The following ADGRG4 variants were observed in gnomAD, a reference collection of about 807,000 sequenced individuals.
The protein encoded by ADGRG4 is adhesion G protein-coupled receptor G4.
In ADGRG4, 122 loss-of-function variants were observed where a neutral mutation model predicts 126.2. That is an observed-to-expected ratio of 0.97 (90% confidence interval 0.83 to 1.12). The LOEUF (loss-of-function observed/expected upper bound fraction) is 1.12, where lower values mean the gene tolerates loss of function less well. ADGRG4 is among the 50% of genes most tolerant of loss of function. The pLI is 0.00. For synonymous variants in ADGRG4, 943 were observed against 838.7 expected, an observed-to-expected ratio of 1.12 and a Z score of -2.15; for missense variants, 2,481 against 2,251.8, an observed-to-expected ratio of 1.10 and a Z score of -2.06.
chrX:136,414,572 G>A (rs898215972), intron 25 of ADGRG4, among the ~76,000 whole-genome samples: 1 of 112,653 alleles, frequency 8.9e-6, no homozygotes, highest in Admixed American at 9.4e-5. Flanking sequence ...TAGACTAATA[G>A]AGGAAAGAAG....
intron 16 of ADGRG4, among the ~76,000 whole-genome samples, chrX:136,388,979 G>A (rs780693239): frequency 8.9e-6 from 1 of 111,963 alleles, no homozygotes; most frequent in Admixed American, 9.5e-5. Flanking sequence ...ATTTCTAATG[G>A]TCAAATATCC....
At chrX:136,371,281 A>C (rs1165128760) in intron 13 of ADGRG4, 47 bp from the exon 14 acceptor site, 1 of 888,546 alleles carries the variant, frequency 1.1e-6, no homozygotes, top group African/African-American at 2.0e-5. Flanking sequence ...CCAGAATGGC[A>C]GAAGACTAAG....
At chrX:136,323,837 TG>T (rs2074856085) in intron 5 of ADGRG4, among the ~76,000 whole-genome samples, 1 of 111,976 alleles carries the variant, frequency 8.9e-6, no homozygotes, top group Non-Finnish European at 1.9e-5. Context: ...AACTATTTTT[TG>T]CTTGGCCCAG....
chrX:136,333,432 C>T (rs779746650), intron 5 of ADGRG4, among the ~76,000 whole-genome samples: 2 of 76,115 alleles, frequency 2.6e-5, no homozygotes, highest in African/African-American at 5.2e-5. Flanking sequence ...CTAATATATT[C>T]TAATTTTTTG....
At chrX:136,407,400 T>A (rs2075420081) in intron 23 of ADGRG4, among the ~76,000 whole-genome samples, 1 of 111,614 alleles carries the variant, frequency 9.0e-6, no homozygotes, top group Admixed American at 9.5e-5. Context: ...CTGAACCTTT[T>A]ATTGTGGTCA....
At chrX:136,380,580 C>T (rs803190) in intron 15 of ADGRG4, among the ~76,000 whole-genome samples, 4,685 of 52,591 alleles carry the variant, frequency 0.089, 237 homozygotes, top group African/African-American at 0.19. Context: ...CTTCTTCTTC[C>T]TCCTCCTCCT....
Position 136,349,942 on chromosome X carries a change from G to A in ADGRG4, c.6236G>A (p.Gly2079Asp). ...TRTIPTPTLG[G>D]ITTGFPTSLP... Reference sequence around the variant, plus strand: ...ACCATTCCTACACCTACACTGGGTGGTATCACTACTGGCTTCCCAACTTCT... The same window carrying A: ...ACCATTCCTACACCTACACTGGGTGATATCACTACTGGCTTCCCAACTTCT... The change falls in exon 6 of 26, where the codon GGT (glycine) becomes GAT (aspartate). Residue 2079 changes from glycine to aspartate, a missense_variant. Transcript: ENST00000394143. 8.3e-7 allele frequency: 1 copy of A among 1,210,455 alleles called. No individual in the cohort carries two copies. The highest frequency in any genetic ancestry group is 1.1e-6 in the Non-Finnish European group (1 of 894,593).
chrX:136,350,579 A>G (rs1486007683), intron 6 of ADGRG4, 146 bp downstream of exon 6: 1 of 491,614 alleles, frequency 2.0e-6, no homozygotes, highest in African/African-American at 2.4e-5. Context: ...CAGTGGGTAC[A>G]GTGAGTACCT....
chrX:136,336,645 A>T (rs1317405301), intron 5 of ADGRG4, among the ~76,000 whole-genome samples: 2 of 111,387 alleles, frequency 1.8e-5, no homozygotes, highest in African/African-American at 6.5e-5. Flanking sequence ...AGTGAATATT[A>T]TTATAGCCAT....
rs1479912152 is a variant in ADGRG4 at position 136,346,523 on chromosome X, A to G, written c.2817A>G (p.Ala939=). 3 of 1,209,555 alleles carry G rather than the reference A, an allele frequency of 2.5e-6. No individual in the cohort carries two copies. In the South Asian group the frequency reaches 5.3e-5, roughly 21 times the overall value. Residue 939 remains alanine, a synonymous_variant, in exon 6 of 26, where the codon GCA becomes GCG. Coordinates refer to ENST00000394143, the MANE Select transcript of ADGRG4 (RefSeq NM_153834.4). ...TTAATTTTAACCACACCTATGTAGCACATTGGACTTCAGAGACATCTGAGG... is the reference window on the plus strand; with the variant it reads ...TTAATTTTAACCACACCTATGTAGCGCATTGGACTTCAGAGACATCTGAGG... ...EMFNFNHTYV[A]HWTSETSEGI...
chrX:136,396,403 A>AT (rs1307325946), intron 19 of ADGRG4, among the ~76,000 whole-genome samples: 223 of 100,577 alleles, frequency 2.2e-3, no homozygotes, highest in Middle Eastern at 4.9e-3. Context: ...ATATATATAT[A>AT]TTTTTTTTTT....
rs753439398 is a variant in ADGRG4, at chrX:136,344,381, G to T, written c.686-11G>T. On this transcript the variant is annotated splice_polypyrimidine_tract_variant and intron_variant, in intron 5 of 25. Coordinates refer to ENST00000394143, the MANE Select transcript of ADGRG4 (RefSeq NM_153834.4). The stretch of plus-strand genomic sequence containing the variant: ...GAATCCAAAATAACACATTCTTTCT[G>T]ATTTTTTTAGTTGTTCCTGAAAATA... 2.3e-5 allele frequency: 26 copies of T among 1,108,252 alleles called. No homozygotes were observed. In the East Asian group the frequency reaches 7.4e-4, roughly 31 times the overall value. 91.3% of individuals were successfully genotyped at this position (1,108,252 alleles called of 1,213,427 possible).
At chrX:136,407,539 A>G (rs1159719830) in intron 23 of ADGRG4, among the ~76,000 whole-genome samples, 1 of 111,736 alleles carries the variant, frequency 8.9e-6, no homozygotes, top group African/African-American at 3.3e-5. Flanking sequence ...TTTTGCATTT[A>G]TGTTTTAGGA....
In ADGRG4 at chrX:136,347,349, C is replaced by T. The variant is rs182079162; in HGVS notation, c.3643C>T (p.Pro1215Ser). The T allele has an allele frequency of 4.1e-5, 50 of 1,206,393 alleles. No homozygotes were observed. The highest frequency in any genetic ancestry group is 4.5e-5 in the Non-Finnish European group (40 of 892,333). ...TETSVVDETT[P>S]SHISANKLTT... is the part of the protein sequence containing the mutation. ...GACCTCTGTTGTTGATGAGACCACA[C>T]CCTCACACATCTCTGCCAATAAGTT... The change falls in exon 6 of 26, where the codon CCC becomes TCC. Residue 1215 changes from proline (P) to serine (S), a missense_variant. Coordinates refer to ENST00000394143, the MANE Select transcript of ADGRG4 (RefSeq NM_153834.4).
At chrX:136,406,347 C>A (rs753409617) in intron 23 of ADGRG4, among the ~76,000 whole-genome samples, 1 of 112,117 alleles carries the variant, frequency 8.9e-6, no homozygotes, top group Admixed American at 9.4e-5. Flanking sequence ...GCTCTATCTG[C>A]ATCTGATATC....
chrX:136,360,217 A>G (rs1218821231), intron 11 of ADGRG4, among the ~76,000 whole-genome samples: 2 of 111,618 alleles, frequency 1.8e-5, no homozygotes, highest in African/African-American at 3.3e-5. Context: ...CTCACTCAGA[A>G]TGGAGACTGG....
intron 22 of ADGRG4, among the ~76,000 whole-genome samples, chrX:136,404,887 G>A (rs1475759764): frequency 6.1e-4 from 68 of 111,648 alleles, no homozygotes; most frequent in Non-Finnish European, 9.4e-5. Context: ...CAACATAAAC[G>A]ACATGACCAA....
rs753664328 is a variant in ADGRG4, at chrX:136,359,778, A to C, written c.7144+323A>C. Reference sequence around the variant, plus strand: ...TGAAGAGCTTCCTCATTAACACACAATAAATGCCTAATAGATACTTGCTAA... The same window carrying C: ...TGAAGAGCTTCCTCATTAACACACACTAAATGCCTAATAGATACTTGCTAA... On this transcript the variant is annotated intron_variant, in intron 11 of 25. Transcript: ENST00000394143. Among the ~76,000 whole-genome samples, 111 of 111,690 alleles carry C rather than the reference A, an allele frequency of 9.9e-4. 2 individuals carry two copies. Among genetic ancestry groups the C allele is most frequent in the Non-Finnish European group, 1.1e-3 (56 of 53,145 alleles).
chrX:136,348,007 C>T lies in ADGRG4; in HGVS notation c.4301C>T (p.Thr1434Ile). The T allele has an allele frequency of 8.3e-7, 1 of 1,210,873 alleles. No homozygotes were observed. The highest frequency in any genetic ancestry group is 1.1e-6 in the Non-Finnish European group (1 of 894,731). The part of the protein sequence containing the change: ...TRISNPMDIN[T>I]TFSHLHSLRT... ...ATATCAAATCCTATGGACATCAATA[C>T]AACTTTTTCACACTTGCATTCACTT... is the stretch of plus-strand genomic sequence containing the variant. The change falls in exon 6 of 26, where the codon ACA becomes ATA. Residue 1434 changes from threonine (T) to isoleucine (I), a missense_variant. Coordinates refer to ENST00000394143, the MANE Select transcript of ADGRG4 (RefSeq NM_153834.4).
Sources: allele counts gnomAD v4.1 joint callset (sites outside exome capture counted in the v4.1 genomes callset), GRCh38; gene constraint gnomAD v4.1.1; transcripts MANE v1.5; gene names NCBI Gene and HGNC (gene_info 2026-07-23, HGNC 2026-07-21).